Variants in CTNNAL1 observed in about 807,000 individuals in gnomAD.
The protein encoded by CTNNAL1 is catenin alpha like 1.
CTNNAL1 carries 69 observed loss-of-function variants against 93.6 expected under a neutral mutation model. That is an observed-to-expected ratio of 0.74 (90% CI 0.61 to 0.90). The LOEUF (loss-of-function observed/expected upper bound fraction) is 0.90. Ranked by LOEUF, CTNNAL1 falls within the 40% of genes least tolerant of loss-of-function variation. The pLI is 0.00. For synonymous variants in CTNNAL1, 286 were observed against 305.4 expected, an observed-to-expected ratio of 0.94 and a Z score of 0.66; for missense variants, 836 against 862.0, an observed-to-expected ratio of 0.97 and a Z score of 0.38.
intron 11 of CTNNAL1, among the ~76,000 whole-genome samples, chr9:108,956,086 G>A (rs111599558): frequency 1.1e-4 from 17 of 152,330 alleles, no homozygotes; most frequent in Middle Eastern, 3.4e-3. Context: ...AAAGGCAAAT[G>A]TCCCACTGAC....
intron 1 of CTNNAL1, among the ~76,000 whole-genome samples, chr9:109,006,539 G>T (rs1827032553): frequency 6.6e-6 from 1 of 152,134 alleles, no homozygotes; most frequent in South Asian, 2.1e-4. Flanking sequence ...ATCATAATAT[G>T]CCAAATACAA....
chr9:108,973,309 T>C (rs1200396135), intron 8 of CTNNAL1, among the ~76,000 whole-genome samples: 3 of 152,092 alleles, frequency 2.0e-5, no homozygotes, highest in Non-Finnish European at 4.4e-5. Context: ...ACTAAGAAAA[T>C]TGGCACTTTG....
intron 15 of CTNNAL1, among the ~76,000 whole-genome samples, chr9:108,944,929 G>C (rs954532777): frequency 1.3e-5 from 2 of 152,148 alleles, no homozygotes; most frequent in Admixed American, 1.3e-4. Context: ...CTTTAAAAGG[G>C]AAACCAGTAA....
intron 8 of CTNNAL1, 31 bp from the exon 9 acceptor site, chr9:108,972,864 G>GGGGGGGGGGGCCC: frequency 2.1e-5 from 3 of 142,556 alleles, no homozygotes; most frequent in Non-Finnish European, 3.0e-5. Context: ...GGGGGGGTGG[G>GGGGGGGGGGGCCC]AGGGTGGAGA....
At chr9:108,992,070 G>T (rs1041145422) in intron 3 of CTNNAL1, 23 of 768,488 alleles carry the variant, frequency 3.0e-5, no homozygotes, top group Non-Finnish European at 5.1e-5. Flanking sequence ...GTTAGTCTCT[G>T]ATTTGGGAGG....
At chr9:108,959,837 A>G (rs1156904352) in intron 11 of CTNNAL1, among the ~76,000 whole-genome samples, 1 of 152,164 alleles carries the variant, frequency 6.6e-6, no homozygotes, top group Non-Finnish European at 1.5e-5. Flanking sequence ...TTCTGAGTTT[A>G]TACCTTCAGA....
At chr9:108,948,407 CAATT>C (rs1279304170) in intron 14 of CTNNAL1, among the ~76,000 whole-genome samples, 173 bp from the exon 15 acceptor site, 3 of 152,056 alleles carry the variant, frequency 2.0e-5, no homozygotes, top group Non-Finnish European at 4.4e-5. Context: ...TAATATTTGA[CAATT>C]ATTTATTAAG....
chr9:109,002,008 A>C (rs1191937702), intron 1 of CTNNAL1, among the ~76,000 whole-genome samples: 1 of 152,358 alleles, frequency 6.6e-6, no homozygotes, highest in African/African-American at 2.4e-5. Flanking sequence ...GAAAATTGAA[A>C]GAACTTCGAG....
At position 108,952,362 on chromosome 9, in the gene CTNNAL1, T is replaced by G; in HGVS notation, c.1682A>C (p.Glu561Ala). 3.7e-6 allele frequency: 6 copies of G among 1,614,150 alleles called. No individual in the cohort carries two copies. The highest frequency in any genetic ancestry group is 5.1e-6 in the Non-Finnish European group (6 of 1,180,022). ...TCCAAGCTTTGCTATCTTGGCTTGCTCCTATGAAACAGACGTTTTAATCAC... is the reference window on the plus strand; with the variant it reads ...TCCAAGCTTTGCTATCTTGGCTTGCGCCTATGAAACAGACGTTTTAATCAC... ...SLKPDKPDSE[E>A]QAKIAKLGLK... The change falls in exon 14 of 19, where the codon GAG becomes GCG. Residue 561 changes from glutamate (E) to alanine (A), a missense_variant and splice_region_variant. Coordinates refer to ENST00000325551, the MANE Select transcript of CTNNAL1 (RefSeq NM_003798.4).
intron 1 of CTNNAL1, among the ~76,000 whole-genome samples, chr9:109,010,944 A>AT (rs1827186773): frequency 6.6e-6 from 1 of 152,228 alleles, no homozygotes; most frequent in African/African-American, 2.4e-5. Flanking sequence ...GTGCTGTTCT[A>AT]TACATGACCT....
chr9:108,970,713 TA>T (rs1831089394), intron 9 of CTNNAL1, among the ~76,000 whole-genome samples: 1 of 152,208 alleles, frequency 6.6e-6, no homozygotes, highest in East Asian at 1.9e-4. Flanking sequence ...ACATTGTTTC[TA>T]CTTCCTATCC....
Position 108,977,061 on chromosome 9 carries a change from A to T in CTNNAL1, c.1102-13T>A. ...TTTTCTTGCTTTGCTAAAAATTTTA[A>T]AAAGTATACATGTAATGTTACCGCA... On this transcript the variant is annotated splice_polypyrimidine_tract_variant and intron_variant, in intron 7 of 18. Coordinates refer to ENST00000325551, the MANE Select transcript of CTNNAL1 (RefSeq NM_003798.4). The T allele has an allele frequency of 1.5e-6, 2 of 1,317,000 alleles. No individual in the cohort carries two copies. The highest frequency in any genetic ancestry group is 2.1e-6 in the Non-Finnish European group (2 of 958,542). The allele number at this position is 1,317,000 out of a possible 1,614,324, so 81.6% of individuals were successfully genotyped here. A position where few individuals can be genotyped will look rare whatever the true frequency, so the allele number is the denominator to read the frequency against.
At chr9:108,978,688 A>G (rs77271742) in intron 7 of CTNNAL1, among the ~76,000 whole-genome samples, 1,683 of 152,318 alleles carry the variant, frequency 0.011, 27 homozygotes, top group African/African-American at 0.037. Context: ...CTCTGTTTGA[A>G]GCACACCAAC....
At chr9:109,003,769 G>T (rs1442876943) in intron 1 of CTNNAL1, among the ~76,000 whole-genome samples, 1 of 152,170 alleles carries the variant, frequency 6.6e-6, no homozygotes, top group Non-Finnish European at 1.5e-5. Flanking sequence ...GATCATATTT[G>T]TAATAGATGC....
intron 11 of CTNNAL1, among the ~76,000 whole-genome samples, 165 bp downstream of exon 11, chr9:108,965,213 G>A (rs557797441): frequency 6.6e-5 from 10 of 151,900 alleles, no homozygotes; most frequent in African/African-American, 9.7e-5. Flanking sequence ...AATAAAGGAG[G>A]ATAAAATAAT....
intron 1 of CTNNAL1, among the ~76,000 whole-genome samples, chr9:109,005,258 C>T (rs1013094170): frequency 1.3e-5 from 2 of 151,394 alleles, no homozygotes; most frequent in South Asian, 4.2e-4. Context: ...TTGTTACTAT[C>T]ACATGAAAAA....
intron 6 of CTNNAL1, among the ~76,000 whole-genome samples, chr9:108,981,722 C>T (rs927491889): frequency 1.3e-5 from 2 of 152,000 alleles, no homozygotes; most frequent in African/African-American, 4.8e-5. Flanking sequence ...GTCCGGAGTT[C>T]GAGACCAGCC....
At position 108,965,282 on chromosome 9, in the gene CTNNAL1, G is replaced by A. The variant is rs28361151; in HGVS notation, c.1591+96C>T. 1.6e-3 allele frequency: 1,610 copies of A among 1,038,656 alleles called. 5 individuals are homozygous for A. Among genetic ancestry groups the A allele is most frequent in the Middle Eastern group, 7.8e-3 (24 of 3,090 alleles). 64.3% of individuals were successfully genotyped at this position (1,038,656 alleles called of 1,614,324 possible). ...TACAAAAATAACCCAGCTGGGTTAC[G>A]ACAAGAATTCATTTGCAGTTGAGGT... On this transcript the variant is annotated intron_variant, in intron 11 of 18. Coordinates refer to ENST00000325551, the MANE Select transcript of CTNNAL1 (RefSeq NM_003798.4).
intron 6 of CTNNAL1, among the ~76,000 whole-genome samples, chr9:108,981,956 C>G (rs1022134642): frequency 6.6e-6 from 1 of 152,084 alleles, no homozygotes; most frequent in Non-Finnish European, 1.5e-5. Flanking sequence ...AATCAAAGTG[C>G]AGTAAAATGG....
Sources: gnomAD v4.1 joint callset for allele counts (sites outside exome capture counted in the v4.1 genomes callset) on GRCh38, gnomAD v4.1.1 for gene constraint, MANE v1.5 for transcripts, NCBI Gene and HGNC (gene_info 2026-07-23, HGNC 2026-07-21) for gene names.